Variants in PANX1 observed in about 807,000 individuals in gnomAD.
PANX1 encodes pannexin-1.
A neutral mutation model predicts 38.7 loss-of-function variants in PANX1; 30 were observed. The ratio of observed to expected loss-of-function variants is 0.78; its 90% CI spans 0.58 to 1.05. The LOEUF is 1.05. PANX1 is among the 50% of genes least tolerant of loss of function. The probability of loss-of-function intolerance (pLI) is 0.00; values close to 1 mark genes in which losing one functional copy is unlikely to be tolerated. For synonymous variants in PANX1, 230 were observed against 212.2 expected (o/e 1.08, Z -0.73); for missense variants, 551 against 517.2 (o/e 1.07, Z -0.63).
At chr11:94,140,191 G>T (rs1946745385) in intron 1 of PANX1, among the ~76,000 whole-genome samples, 1 of 152,240 alleles carries the variant, frequency 6.6e-6, no homozygotes, top group Non-Finnish European at 1.5e-5. Flanking sequence ...CCCATTCATG[G>T]GTACCCCATG....
At chr11:94,154,099 A>G (rs1946918694) in intron 2 of PANX1, among the ~76,000 whole-genome samples, 1 of 152,220 alleles carries the variant, frequency 6.6e-6, no homozygotes, top group Admixed American at 6.5e-5. Flanking sequence ...CGTTACTGGA[A>G]CATCAAAAAG....
chr11:94,137,373 A>G (rs1946707667), intron 1 of PANX1, among the ~76,000 whole-genome samples: 1 of 152,220 alleles, frequency 6.6e-6, no homozygotes, highest in African/African-American at 2.4e-5. Flanking sequence ...GGTTTGGATT[A>G]GCAACATCCC....
At chr11:94,155,316 C>T (rs1946936632) in intron 2 of PANX1, among the ~76,000 whole-genome samples, 1 of 148,794 alleles carries the variant, frequency 6.7e-6, no homozygotes, top group African/African-American at 2.5e-5. Context: ...TGCCATTGCA[C>T]TCCAGCCTGG....
At chr11:94,155,127 G>T (rs1946933479) in intron 2 of PANX1, among the ~76,000 whole-genome samples, 1 of 152,080 alleles carries the variant, frequency 6.6e-6, no homozygotes, top group South Asian at 2.1e-4. Context: ...GAGGCAAGCG[G>T]ATCACTTGAG....
intron 1 of PANX1, among the ~76,000 whole-genome samples, chr11:94,139,198 T>C (rs1458726812): frequency 6.6e-6 from 1 of 152,238 alleles, no homozygotes; most frequent in African/African-American, 2.4e-5. Context: ...GCTTTCATAC[T>C]GGCTTGTTTT....
chr11:94,161,705 C>G (rs1479391271), intron 2 of PANX1, among the ~76,000 whole-genome samples: 1 of 152,136 alleles, frequency 6.6e-6, no homozygotes, highest in Non-Finnish European at 1.5e-5. Context: ...TCGTCTGATG[C>G]CTTCTTCTCT....
intron 2 of PANX1, among the ~76,000 whole-genome samples, chr11:94,160,387 G>T (rs551951741): frequency 8.9e-4 from 135 of 152,160 alleles, no homozygotes; most frequent in African/African-American, 3.2e-3. Flanking sequence ...TCTAAGGACT[G>T]GCTTTATGAA....
At chr11:94,165,285 A>AT (rs1186203621) in intron 2 of PANX1, among the ~76,000 whole-genome samples, 3 of 147,990 alleles carry the variant, frequency 2.0e-5, no homozygotes, top group South Asian at 2.2e-4. Context: ...TGTATAAATG[A>AT]TTTTTTTGGT....
At chr11:94,136,643 C>T (rs1283880116) in intron 1 of PANX1, among the ~76,000 whole-genome samples, 2 of 151,934 alleles carry the variant, frequency 1.3e-5, no homozygotes, top group East Asian at 1.9e-4. Flanking sequence ...TGGCGGGCGC[C>T]TGTAGTCCCA....
intron 2 of PANX1, among the ~76,000 whole-genome samples, chr11:94,164,788 C>A (rs1947084699): frequency 6.6e-6 from 1 of 152,146 alleles, no homozygotes; most frequent in Non-Finnish European, 1.5e-5. Flanking sequence ...AAGTTCCCGA[C>A]TATTATTATA....
At chr11:94,145,767 TAC>T (rs1295492042) in intron 1 of PANX1, among the ~76,000 whole-genome samples, 1 of 152,240 alleles carries the variant, frequency 6.6e-6, no homozygotes, top group Non-Finnish European at 1.5e-5. Flanking sequence ...TTATTTTGTG[TAC>T]AGTTTGGGAT....
intron 3 of PANX1, among the ~76,000 whole-genome samples, chr11:94,179,216 A>G (rs778856836): frequency 1.3e-5 from 2 of 152,156 alleles, no homozygotes; most frequent in Non-Finnish European, 2.9e-5. Flanking sequence ...CTGTAGCTGT[A>G]AGTGAGAGTC....
intron 2 of PANX1, among the ~76,000 whole-genome samples, chr11:94,162,464 C>T (rs944898900): frequency 2.6e-5 from 4 of 152,180 alleles, no homozygotes; most frequent in South Asian, 4.1e-4. Flanking sequence ...AGTTTGATCT[C>T]GACTGCTGTG....
intron 2 of PANX1, among the ~76,000 whole-genome samples, chr11:94,171,925 T>G (rs965383441): frequency 1.3e-5 from 2 of 148,684 alleles, no homozygotes; most frequent in South Asian, 2.1e-4. Context: ...TTCCTTTGAG[T>G]GTTCTGTTCC....
rs1483706927 is a variant in PANX1 at position 94,142,963 on chromosome 11, GTGTT to G, written c.182-10525_182-10522del. On this transcript the variant is annotated intron_variant, in intron 1 of 4. Transcript: ENST00000227638. ...TTCTTTTTTGAGGTTCCTTGAAAAA[GTGTT>G]TGCCACTCTAGCATCTGCATCTGTC... Among the ~76,000 whole-genome samples the G allele has an allele frequency of 4.6e-5, 7 of 152,318 alleles. No individual in the cohort carries two copies. The South Asian group carries it at 6.2e-4, about 14-fold the overall frequency.
chr11:94,180,940 G>C lies in PANX1; in HGVS notation c.*71G>C. The C allele has an allele frequency of 1.1e-6, 1 of 878,590 alleles. No homozygotes were observed. The highest frequency in any genetic ancestry group is 1.9e-6 in the Non-Finnish European group (1 of 514,076). 54.4% of individuals were successfully genotyped at this position (878,590 alleles called of 1,614,324 possible). A position where few individuals can be genotyped will look rare whatever the true frequency, so the allele number is the denominator to read the frequency against. ...GATTTAATTTGGCTAAAGCACCCCT[G>C]TTGGTTTCACAGCTGGTTTGCAATA... is the stretch of plus-strand genomic sequence containing the variant. On this transcript the variant is annotated 3_prime_UTR_variant, in exon 5 of 5. Coordinates refer to ENST00000227638, the MANE Select transcript of PANX1 (RefSeq NM_015368.4).
chr11:94,152,550 GA>G (rs1946894489), intron 1 of PANX1, among the ~76,000 whole-genome samples: 1 of 151,938 alleles, frequency 6.6e-6, no homozygotes, highest in South Asian at 2.1e-4. Context: ...ACACACCTTT[GA>G]ATGTGCCAGG....
chr11:94,178,500 C>T lies in PANX1; in HGVS notation c.453C>T (p.Asn151=). 6.2e-7 allele frequency: 1 copy of T among 1,614,114 alleles called. No individual in the cohort carries two copies. Among genetic ancestry groups the T allele is most frequent in the South Asian group, 1.1e-5 (1 of 91,084 alleles). Residue 151 remains asparagine, a synonymous_variant, in exon 3 of 5, where the codon AAC becomes AAT. Transcript: ENST00000227638. ...TGGAAGAACTTGACAAAGTTTACAACCGTGCAATTAAGGCTGCAAAGAGTG... is the reference window on the plus strand; with the variant it reads ...TGGAAGAACTTGACAAAGTTTACAATCGTGCAATTAAGGCTGCAAAGAGTG... ...FIMEELDKVY[N]RAIKAAKSAR... is the part of the protein sequence containing the mutation.
chr11:94,180,083 A>G lies in PANX1; in HGVS notation c.1027A>G (p.Lys343Glu), dbSNP rs765148777. The G allele has an allele frequency of 1.9e-6, 3 of 1,614,014 alleles. No individual in the cohort carries two copies. Among genetic ancestry groups the G allele is most frequent in the Non-Finnish European group, 2.5e-6 (3 of 1,179,922 alleles). Residue 343 changes from lysine (K) to glutamate (E), a missense_variant, in exon 4 of 5, where the codon AAG (lysine) becomes GAG (glutamate). Lys to Glu is a moderately conservative substitution (Grantham distance 56). Coordinates refer to ENST00000227638, the MANE Select transcript of PANX1 (RefSeq NM_015368.4). ...CTTGGAGGAAAATATAAGTGAGGTCAAGTCATACAAGTGTCTTAAGGTACT... is the reference window on the plus strand; with the variant it reads ...CTTGGAGGAAAATATAAGTGAGGTCGAGTCATACAAGTGTCTTAAGGTACT... ...LFLEENISEV[K>E]SYKCLKVLEN...
Sources: gnomAD v4.1 joint callset for allele counts (sites outside exome capture counted in the v4.1 genomes callset) on GRCh38, gnomAD v4.1.1 for gene constraint, MANE v1.5 for transcripts, NCBI Gene and HGNC (gene_info 2026-07-23, HGNC 2026-07-21) for gene names.